VTI1A: variants seen among roughly 807,000 people sequenced by gnomAD.
VTI1A encodes the protein vesicle transport through interaction with t-SNAREs 1A, also known as vesicle transport through interaction with t-SNAREs homolog 1A.
Under a neutral mutation model 34.9 loss-of-function variants are expected in VTI1A, and 22 were observed. That is an observed-to-expected ratio of 0.63 (90% confidence interval 0.45 to 0.90). VTI1A has a LOEUF of 0.90. VTI1A is among the 40% of genes least tolerant of loss of function. VTI1A has a pLI of 0.00. For missense variants in VTI1A, 268 were observed against 275.6 expected (o/e 0.97, Z 0.20); for synonymous variants, 87 against 97.3 (o/e 0.89, Z 0.62).
At chr10:112,836,370 G>A in the VTI1A span, among the ~76,000 whole-genome samples, 2 of 152,208 alleles carry the variant, frequency 1.3e-5, no homozygotes, top group Non-Finnish European at 2.9e-5. Context: ...AGGAAACTGA[G>A]GCTCAGAGAG....
chr10:112,587,133 G>A (rs917422111), intron 5 of VTI1A, among the ~76,000 whole-genome samples: 2 of 152,056 alleles, frequency 1.3e-5, no homozygotes, highest in Non-Finnish European at 2.9e-5. Flanking sequence ...AACATCTGTT[G>A]CTGCAATAAT....
In VTI1A at chr10:112,518,611, ATG is replaced by A. The variant is rs1365789222; in HGVS notation, c.265-8464_265-8463del. Among the ~76,000 whole-genome samples the A allele has an allele frequency of 8.6e-3, 1,157 of 134,188 alleles. 16 individuals are homozygous for A. Among genetic ancestry groups the A allele is most frequent in the Non-Finnish European group, 0.013 (856 of 63,746 alleles). 88.0% of individuals were successfully genotyped at this position (134,188 alleles called of 152,430 possible). On this transcript the variant is annotated intron_variant, in intron 3 of 7. Transcript: ENST00000393077. ...TCTCTATATATATATATATATATAT[ATG>A]TGTGTGTGTGTATGTGTATATATAT...
At chr10:112,629,822 T>C (rs1194104513) in intron 5 of VTI1A, among the ~76,000 whole-genome samples, 1 of 152,198 alleles carries the variant, frequency 6.6e-6, no homozygotes, top group Non-Finnish European at 1.5e-5. Flanking sequence ...TGCACATAAA[T>C]CCACTGTGCT....
chr10:112,755,155 C>T (rs553840745), intron 7 of VTI1A, among the ~76,000 whole-genome samples: 2 of 152,188 alleles, frequency 1.3e-5, no homozygotes, highest in East Asian at 3.9e-4. Context: ...CCTCAGGAGG[C>T]TGAGGCACGA....
the VTI1A span, among the ~76,000 whole-genome samples, chr10:112,854,016 C>A: frequency 0.21 from 32,468 of 152,046 alleles, 3,879 homozygotes; most frequent in Middle Eastern, 0.28. Context: ...CTCCAGGCCT[C>A]CCTTCTTCTC....
At chr10:112,506,649 T>G (rs950620462) in intron 3 of VTI1A, among the ~76,000 whole-genome samples, 2 of 152,228 alleles carry the variant, frequency 1.3e-5, no homozygotes, top group Non-Finnish European at 2.9e-5. Context: ...TCGTGACATA[T>G]GCTCAGAAAA....
intron 5 of VTI1A, among the ~76,000 whole-genome samples, chr10:112,592,219 T>C (rs1413127685): frequency 6.6e-6 from 1 of 152,180 alleles, no homozygotes; most frequent in African/African-American, 2.4e-5. Context: ...GATCTTGGCC[T>C]TGTGAGACCC....
At chr10:112,709,461 C>T (rs1375889751) in intron 7 of VTI1A, among the ~76,000 whole-genome samples, 1 of 152,060 alleles carries the variant, frequency 6.6e-6, no homozygotes. Flanking sequence ...CCACCCTCCC[C>T]TCGCTTGACC....
chr10:112,655,067 T>G (rs1378823561), intron 5 of VTI1A, among the ~76,000 whole-genome samples: 1 of 152,158 alleles, frequency 6.6e-6, no homozygotes, highest in Non-Finnish European at 1.5e-5. Flanking sequence ...TCTCAAAACA[T>G]AGTCTTAGGG....
chr10:112,566,361 T>C (rs1851903968), intron 5 of VTI1A, among the ~76,000 whole-genome samples: 1 of 152,202 alleles, frequency 6.6e-6, no homozygotes, highest in Non-Finnish European at 1.5e-5. Flanking sequence ...ATCAACTGCA[T>C]TGCATTTAAA....
intron 5 of VTI1A, among the ~76,000 whole-genome samples, chr10:112,624,468 T>C (rs1180257751): frequency 1.3e-5 from 2 of 152,186 alleles, no homozygotes; most frequent in Non-Finnish European, 2.9e-5. Flanking sequence ...ATTTTTAAAA[T>C]GGTTCTTATT....
chr10:112,752,544 T>A, intron 7 of VTI1A: 1 of 985,450 alleles, frequency 1.0e-6, no homozygotes, highest in Non-Finnish European at 1.2e-6. Context: ...GGTATGATTC[T>A]CCTTCAGGGG....
chr10:112,604,304 C>A (rs1474468394), intron 5 of VTI1A, among the ~76,000 whole-genome samples: 1 of 152,122 alleles, frequency 6.6e-6, no homozygotes, highest in Non-Finnish European at 1.5e-5. Flanking sequence ...TAGGAAGATA[C>A]ATGTAAACAG....
chr10:112,577,937 T>C (rs1843771984), intron 5 of VTI1A, among the ~76,000 whole-genome samples: 1 of 152,238 alleles, frequency 6.6e-6, no homozygotes, highest in African/African-American at 2.4e-5. Context: ...TCTATTCTCA[T>C]TTCTTCTTTT....
intron 7 of VTI1A, among the ~76,000 whole-genome samples, chr10:112,793,533 T>C (rs1852562279): frequency 6.6e-6 from 1 of 152,266 alleles, no homozygotes. Flanking sequence ...ATATTCAACA[T>C]GACTCCAATG....
At chr10:112,462,077 T>A (rs1409759850) in intron 2 of VTI1A, among the ~76,000 whole-genome samples, 16 of 152,224 alleles carry the variant, frequency 1.1e-4, no homozygotes, top group Admixed American at 1.0e-3. Context: ...CTTGAACTCC[T>A]GACCGCAGGT....
intron 7 of VTI1A, among the ~76,000 whole-genome samples, chr10:112,697,866 A>ATG (rs67142519): frequency 0.13 from 17,283 of 134,542 alleles, 1,126 homozygotes; most frequent in South Asian, 0.26. Context: ...TAGCATTTAC[A>ATG]TGTGTGTGTG....
At chr10:112,647,138 A>T (rs563109223) in intron 5 of VTI1A, among the ~76,000 whole-genome samples, 2 of 152,336 alleles carry the variant, frequency 1.3e-5, no homozygotes, top group African/African-American at 2.4e-5. Context: ...AGCCCATGGG[A>T]TAAATGAAAG....
intron 7 of VTI1A, among the ~76,000 whole-genome samples, chr10:112,717,300 T>C (rs1047457513): frequency 2.0e-5 from 3 of 151,958 alleles, no homozygotes; most frequent in Non-Finnish European, 2.9e-5. Flanking sequence ...CATTCAGTTC[T>C]CTTTTTCTCT....
Sources: allele counts gnomAD v4.1 joint callset (sites outside exome capture counted in the v4.1 genomes callset), GRCh38; gene constraint gnomAD v4.1.1; transcripts MANE v1.5; gene names NCBI Gene and HGNC (gene_info 2026-07-23, HGNC 2026-07-21).